Variants in DAB2IP observed in about 807,000 individuals in gnomAD.
DAB2IP encodes disabled homolog 2-interacting protein.
DAB2IP carries 28 observed loss-of-function variants against 107.2 expected under a neutral mutation model. That is an observed-to-expected ratio of 0.26 (90% CI 0.19 to 0.36). The LOEUF (loss-of-function observed/expected upper bound fraction) is 0.36. Ranked by LOEUF, DAB2IP falls within the 10% of genes least tolerant of loss-of-function variation. The pLI, the probability that DAB2IP is intolerant of heterozygous loss-of-function variation, is 1.00. For synonymous variants in DAB2IP, 755 were observed against 706.4 expected (o/e 1.07, Z -1.09); for missense variants, 1,400 against 1,644.7 (o/e 0.85, Z 2.57).
intron 1 of DAB2IP, among the ~76,000 whole-genome samples, chr9:121,621,967 CTTTTTCT>C (rs1831484880): frequency 2.1e-5 from 3 of 140,280 alleles, no homozygotes; most frequent in South Asian, 4.7e-4. Context: ...GTTTGTGTTT[CTTTTTCT>C]TTTTTCTTTC....
At chr9:121,721,527 A>G (rs1470615771) in intron 3 of DAB2IP, among the ~76,000 whole-genome samples, 1 of 152,148 alleles carries the variant, frequency 6.6e-6, no homozygotes, top group East Asian at 1.9e-4. Flanking sequence ...CCATCTGGAG[A>G]GTACATGTTC....
At position 121,760,336 on chromosome 9, in the gene DAB2IP, A is replaced by G. The variant is rs759173679; in HGVS notation, c.1067A>G (p.Tyr356Cys). 6 of 1,612,998 alleles carry G rather than the reference A, an allele frequency of 3.7e-6. No individual in the cohort carries two copies. The highest frequency in any genetic ancestry group is 5.1e-6 in the Non-Finnish European group (6 of 1,180,020). The change falls in exon 6 of 16, where the codon TAC (tyrosine) becomes TGC (cysteine). Residue 356 changes from tyrosine to cysteine, a missense_variant. Coordinates refer to ENST00000408936, the Ensembl canonical transcript of DAB2IP. This position sits in a 1 kb window ranked among gnomAD's most constrained non-coding sequence, Gnocchi z 5.9. Reference sequence around the variant, plus strand: ...TTCGCTGAGCACATCACCAACCACTACCTGGGGCTGTGTGCAGCCCTCGAG... The same window carrying G: ...TTCGCTGAGCACATCACCAACCACTGCCTGGGGCTGTGTGCAGCCCTCGAG...
rs905414500 is a variant in DAB2IP, at chr9:121,701,689, G to T, written c.362+2231G>T. 1.3e-5 allele frequency among the ~76,000 whole-genome samples: 2 copies of T among 152,162 alleles called. No individual in the cohort carries two copies. The highest frequency in any genetic ancestry group is 4.8e-5 in the African/African-American group (2 of 41,426). ...CGGCTGCTGCTGGGATGGATGGGCA[G>T]AAATTTCTCTGGGGCTGTCCCTGGA... On this transcript the variant is annotated intron_variant, in intron 3 of 15. Transcript: ENST00000408936. This position sits in a 1 kb window ranked among gnomAD's most constrained non-coding sequence, Gnocchi z 4.7.
chr9:121,753,170 G>A (rs1833245666), intron 3 of DAB2IP: 1 of 152,298 alleles, frequency 6.6e-6, no homozygotes, highest in African/African-American at 2.4e-5. Context: ...CCTGGTTTGA[G>A]ACCTGCTTCT....
intron 1 of DAB2IP, among the ~76,000 whole-genome samples, chr9:121,643,165 A>G (rs1344415369): frequency 6.6e-6 from 1 of 152,102 alleles, no homozygotes; most frequent in East Asian, 1.9e-4. Context: ...ATCTGGATTC[A>G]GGGATGCTGG....
chr9:121,741,899 C>T (rs560859352), intron 3 of DAB2IP, among the ~76,000 whole-genome samples: 3 of 151,606 alleles, frequency 2.0e-5, no homozygotes, highest in African/African-American at 2.4e-5. Context: ...ACAGAGAGGC[C>T]TAGGGAGGTG....
At chr9:121,613,491 CT>C (rs548674114) in intron 1 of DAB2IP, among the ~76,000 whole-genome samples, 1 of 151,980 alleles carries the variant, frequency 6.6e-6, no homozygotes, top group Non-Finnish European at 1.5e-5. Context: ...GGCCCGGTGC[CT>C]TTTTTTTACT....
At chr9:121,742,994 G>A (rs948538082) in intron 3 of DAB2IP, 3 of 985,456 alleles carry the variant, frequency 3.0e-6, no homozygotes, top group Non-Finnish European at 3.6e-6. Context: ...GAGCAGTTGG[G>A]GCCTGTGGTC....
intron 2 of DAB2IP, among the ~76,000 whole-genome samples, chr9:121,692,534 C>T (rs1589525523): frequency 6.6e-6 from 1 of 152,170 alleles, no homozygotes; most frequent in Non-Finnish European, 1.5e-5. Flanking sequence ...CAGCCTCTTC[C>T]TGGGGCTTCC....
chr9:121,672,772 C>T (rs1833734526), intron 1 of DAB2IP, among the ~76,000 whole-genome samples: 1 of 152,148 alleles, frequency 6.6e-6, no homozygotes, highest in Non-Finnish European at 1.5e-5. Context: ...CTGGGTCTCC[C>T]TTCCCGTGAT....
chr9:121,773,478 C>T lies in DAB2IP; in HGVS notation c.2950C>T (p.Arg984Trp), dbSNP rs774366709. The T allele has an allele frequency of 1.4e-4, 217 of 1,512,584 alleles. No homozygotes were observed. Among genetic ancestry groups the T allele is most frequent in the Middle Eastern group, 1.9e-4 (1 of 5,302 alleles). 93.7% of individuals were successfully genotyped at this position (1,512,584 alleles called of 1,614,324 possible). ...GGGGGACAGCCCAGAACTGAAGCCA[C>T]GGGCAGTGCACAAGCAGGTCAGTGC... The change falls in exon 12 of 16, where the codon CGG becomes TGG. Residue 984 changes from arginine to tryptophan, a missense_variant. Arg to Trp is a moderately radical substitution (Grantham distance 101). This residue lies in a region of DAB2IP where 600 missense variants were observed against 659.1 expected (regional missense o/e 0.91). Coordinates refer to ENST00000408936, the Ensembl canonical transcript of DAB2IP.
At chr9:121,592,276 G>A (rs1479919367) in intron 1 of DAB2IP, among the ~76,000 whole-genome samples, 2 of 152,020 alleles carry the variant, frequency 1.3e-5, no homozygotes, top group African/African-American at 2.4e-5. Flanking sequence ...TGAGGCAGGA[G>A]AATCACTTGA....
intron 3 of DAB2IP, 65 bp from the exon 4 acceptor site, chr9:121,756,947 TG>T: frequency 6.2e-7 from 1 of 1,608,226 alleles, no homozygotes; most frequent in South Asian, 1.1e-5. Flanking sequence ...GGCAGATGGG[TG>T]GGACATGGCA....
intron 8 of DAB2IP, 71 bp from the exon 9 acceptor site, chr9:121,766,423 T>C: frequency 1.4e-6 from 2 of 1,432,518 alleles, no homozygotes; most frequent in Admixed American, 3.4e-5. Context: ...GAATGCAGGT[T>C]CCTGCTCTGT....
chr9:121,618,862 G>A (rs1831363810), intron 1 of DAB2IP, among the ~76,000 whole-genome samples: 3 of 152,130 alleles, frequency 2.0e-5, no homozygotes, highest in Admixed American at 6.6e-5. Flanking sequence ...GGGGTGGCGG[G>A]GCAGGGGCTG....
At chr9:121,714,212 A>G (rs1223245360) in intron 3 of DAB2IP, among the ~76,000 whole-genome samples, 1 of 152,224 alleles carries the variant, frequency 6.6e-6, no homozygotes, top group Non-Finnish European at 1.5e-5. Context: ...AGATGGCCCA[A>G]GACACATGAA....
intron 3 of DAB2IP, among the ~76,000 whole-genome samples, chr9:121,744,112 T>C (rs79863285): frequency 6.6e-6 from 1 of 152,324 alleles, no homozygotes; most frequent in South Asian, 2.1e-4. Flanking sequence ...GCTTGGCCTT[T>C]GCTCTGAGTG....
At chr9:121,654,170 G>A (rs1320583476) in intron 1 of DAB2IP, among the ~76,000 whole-genome samples, 1 of 152,102 alleles carries the variant, frequency 6.6e-6, no homozygotes, top group Non-Finnish European at 1.5e-5. Context: ...GTGAGCTACT[G>A]TCTTCTCTCT....
chr9:121,707,090 A>G (rs1830093512), intron 3 of DAB2IP, among the ~76,000 whole-genome samples: 1 of 152,046 alleles, frequency 6.6e-6, no homozygotes, highest in Admixed American at 6.5e-5. Context: ...CGTTCTGCAG[A>G]CCCCTAGGGT....
Sources: gnomAD v4.1 joint callset for allele counts (sites outside exome capture counted in the v4.1 genomes callset) on GRCh38, gnomAD v4.1.1 for gene constraint, gnomAD v4.1.1 regional missense constraint, Gnocchi (gnomAD v3.1) non-coding constraint, MANE v1.5 for transcripts, NCBI Gene and HGNC (gene_info 2026-07-23, HGNC 2026-07-21) for gene names.